Variants in DNAH14 observed in about 807,000 individuals in gnomAD.
DNAH14 encodes the protein axonemal beta dynein heavy chain 14.
A neutral mutation model predicts 520.9 loss-of-function variants in DNAH14; 478 were observed. That is an observed-to-expected ratio of 0.92 (90% confidence interval 0.85 to 0.99). The LOEUF (loss-of-function observed/expected upper bound fraction) is 0.99, where lower values mean the gene tolerates loss of function less well. DNAH14 is among the 50% of genes least tolerant of loss of function. The pLI is 0.00. For missense variants in DNAH14, 4,831 were observed against 5,234.5 expected, an observed-to-expected ratio of 0.92 and a Z score of 2.38; for synonymous variants, 1,581 against 1,757.2, an observed-to-expected ratio of 0.90 and a Z score of 2.51.
intron 8 of DNAH14, among the ~76,000 whole-genome samples, chr1:224,979,182 A>G (rs2062076115): frequency 6.6e-6 from 1 of 152,210 alleles, no homozygotes; most frequent in Non-Finnish European, 1.5e-5. Flanking sequence ...TCAGGTGAGC[A>G]ACCACAGTAC....
At chr1:225,314,859 T>A (rs563513238) in intron 60 of DNAH14, among the ~76,000 whole-genome samples, 67 of 152,228 alleles carry the variant, frequency 4.4e-4, no homozygotes, top group Non-Finnish European at 8.4e-4. Context: ...TCTCTCTGGC[T>A]GCCTTTAACA....
At chr1:225,158,497 G>T (rs1573581262) in intron 34 of DNAH14, among the ~76,000 whole-genome samples, 1 of 152,126 alleles carries the variant, frequency 6.6e-6, no homozygotes, top group African/African-American at 2.4e-5. Context: ...CCATATTACT[G>T]AACTAAAGGC....
chr1:225,256,084 T>C (rs899602251), intron 44 of DNAH14, among the ~76,000 whole-genome samples: 1 of 152,202 alleles, frequency 6.6e-6, no homozygotes, highest in African/African-American at 2.4e-5. Flanking sequence ...AAATAAGTGA[T>C]TAAATTTTAA....
intron 52 of DNAH14, among the ~76,000 whole-genome samples, chr1:225,274,101 T>TCAC (rs1175519783): frequency 1.3e-5 from 2 of 151,996 alleles, no homozygotes; most frequent in Non-Finnish European, 2.9e-5. Context: ...CTTTGAGGAA[T>TCAC]CACCACACTG....
In DNAH14 at chr1:225,307,636, A is replaced by C. The variant is rs2094274589; in HGVS notation, c.9114+67A>C. 4 of 1,209,674 alleles carry C rather than the reference A, an allele frequency of 3.3e-6. No homozygotes were observed. The Admixed American group carries it at 1.3e-4, about 38-fold the overall frequency. The allele number at this position is 1,209,674 out of a possible 1,614,324, so 74.9% of individuals were successfully genotyped here. A position where few individuals can be genotyped will look rare whatever the true frequency, so the allele number is the denominator to read the frequency against. On this transcript the variant is annotated intron_variant, in intron 59 of 85. Coordinates refer to ENST00000682510, the MANE Select transcript of DNAH14 (RefSeq NM_001367479.1). ...AATATAGAACAGTGTTTGAAAGCAA[A>C]GGCTCTGATACCTGACAAAGACAGG... is the stretch of plus-strand genomic sequence containing the variant.
intron 36 of DNAH14, among the ~76,000 whole-genome samples, chr1:225,169,487 G>A (rs906240541): frequency 4.6e-5 from 7 of 152,166 alleles, no homozygotes; most frequent in Non-Finnish European, 7.3e-5. Context: ...GCACGAGAAC[G>A]ATGTGACGCA....
intron 12 of DNAH14, 134 bp downstream of exon 12, chr1:225,038,957 C>T (rs2067209001): frequency 1.5e-6 from 1 of 688,968 alleles, no homozygotes; most frequent in Non-Finnish European, 2.3e-6. Flanking sequence ...CACACACACA[C>T]TTAGCTGCTC....
intron 60 of DNAH14, among the ~76,000 whole-genome samples, chr1:225,311,332 C>G (rs762406776): frequency 3.3e-5 from 5 of 151,826 alleles, no homozygotes; most frequent in Non-Finnish European, 7.4e-5. Flanking sequence ...TAAGTTCCTT[C>G]CAGATTCTGG....
chr1:225,380,735 C>T (rs144460910), intron 80 of DNAH14, among the ~76,000 whole-genome samples: 1 of 152,316 alleles, frequency 6.6e-6, no homozygotes, highest in Non-Finnish European at 1.5e-5. Context: ...CCCAGGAAGA[C>T]AGAGGAAGCC....
chr1:225,173,455 G>T (rs1478568619), intron 36 of DNAH14, among the ~76,000 whole-genome samples: 31 of 152,178 alleles, frequency 2.0e-4, no homozygotes, highest in African/African-American at 7.2e-4. Flanking sequence ...TGAAGGATAT[G>T]AACAGACACT....
chr1:225,265,101 T>C, intron 47 of DNAH14, 81 bp from the exon 48 acceptor site: 2 of 974,038 alleles, frequency 2.1e-6, no homozygotes, highest in Non-Finnish European at 2.9e-6. Context: ...AATTTTCAAA[T>C]TTCATGACAC....
chr1:225,322,668 TAC>T lies in DNAH14; in HGVS notation c.9345_9346del (p.Arg3116AlafsTer21). Reference sequence around the variant, plus strand: ...GATTTTCATCATCTATTACAGAGTATACACACGGCCTCCCTTCCTTGTACTGA... The same window carrying T: ...GATTTTCATCATCTATTACAGAGTATACACGGCCTCCCTTCCTTGTACTGA... ...DKADVAELRV[Y>X]TRPPFLVLTV... On this transcript the variant is annotated frameshift_variant, in exon 62 of 86. Coordinates refer to ENST00000682510, the MANE Select transcript of DNAH14 (RefSeq NM_001367479.1). LOFTEE classifies it high-confidence loss of function. 6.5e-7 allele frequency: 1 copy of T among 1,538,042 alleles called. No individual in the cohort carries two copies. The highest frequency in any genetic ancestry group is 1.2e-5 in the South Asian group (1 of 82,906).
intron 58 of DNAH14, among the ~76,000 whole-genome samples, chr1:225,305,332 C>T (rs2094217847): frequency 6.6e-6 from 1 of 152,082 alleles, no homozygotes; most frequent in Non-Finnish European, 1.5e-5. Flanking sequence ...TGTTGGATTC[C>T]GACAGTTTAT....
intron 1 of DNAH14, among the ~76,000 whole-genome samples, chr1:224,939,169 TTGAC>T (rs1448647964): frequency 6.6e-6 from 1 of 152,240 alleles, no homozygotes; most frequent in Non-Finnish European, 1.5e-5. Flanking sequence ...AATACAATAC[TTGAC>T]TGACAGTTAT....
At chr1:225,205,283 T>C (rs753810655) in intron 39 of DNAH14, among the ~76,000 whole-genome samples, 4 of 152,144 alleles carry the variant, frequency 2.6e-5, no homozygotes, top group Non-Finnish European at 5.9e-5. Flanking sequence ...CCCTCATTAA[T>C]GGCATTAGTG....
At chr1:225,247,806 C>T (rs2092370232) in intron 43 of DNAH14, among the ~76,000 whole-genome samples, 1 of 152,060 alleles carries the variant, frequency 6.6e-6, no homozygotes. Flanking sequence ...GCAGGCGGAT[C>T]ACGAAGTCAG....
intron 32 of DNAH14, 120 bp from the exon 33 acceptor site, chr1:225,152,577 A>G: frequency 3.2e-6 from 3 of 942,872 alleles, no homozygotes; most frequent in Non-Finnish European, 4.6e-6. Flanking sequence ...TTGTAAACTA[A>G]TTTTCAGATA....
At chr1:225,336,528 T>A (rs1369146098) in intron 66 of DNAH14, among the ~76,000 whole-genome samples, 7 of 152,182 alleles carry the variant, frequency 4.6e-5, no homozygotes, top group Admixed American at 4.6e-4. Context: ...AGTGAAAGAT[T>A]TTAACACCTT....
intron 52 of DNAH14, among the ~76,000 whole-genome samples, chr1:225,275,349 C>T (rs1354307470): frequency 6.6e-6 from 1 of 152,170 alleles, no homozygotes; most frequent in African/African-American, 2.4e-5. Context: ...AGTGCTGTGA[C>T]AGACCTATGC....
Sources: gnomAD v4.1 joint callset for allele counts (sites outside exome capture counted in the v4.1 genomes callset) on GRCh38, gnomAD v4.1.1 for gene constraint, MANE v1.5 for transcripts, NCBI Gene and HGNC (gene_info 2026-07-23, HGNC 2026-07-21) for gene names.